Variants in SIPA1L1 observed in about 807,000 individuals in gnomAD.
The protein encoded by SIPA1L1 is signal induced proliferation associated 1 like 1.
Under a neutral mutation model 162.7 loss-of-function variants are expected in SIPA1L1, and 26 were observed. The observed-to-expected ratio is 0.16, with a 90% CI of 0.12 to 0.22. The LOEUF is 0.22. SIPA1L1 is among the 10% of genes least tolerant of loss of function. The pLI is 1.00. For missense variants in SIPA1L1, 1,874 were observed against 2,241.0 expected (o/e 0.84, Z 3.31); for synonymous variants, 829 against 837.4 (o/e 0.99, Z 0.17).
chr14:71,709,716 C>A, intron 17 of SIPA1L1, 52 bp downstream of exon 17: 2 of 1,500,566 alleles, frequency 1.3e-6, no homozygotes, highest in Non-Finnish European at 9.1e-7. Flanking sequence ...AAGCCCAGTT[C>A]CCTGGCCTCA....
intron 23 of SIPA1L1, 98 bp downstream of exon 23, chr14:71,738,423 T>C: frequency 1.3e-6 from 1 of 770,494 alleles, no homozygotes; most frequent in Non-Finnish European, 2.1e-6. Context: ...AAGACGTGGG[T>C]GTCTTCCCGG....
chr14:71,735,720 G>A (rs551290055), intron 22 of SIPA1L1: 36 of 185,742 alleles, frequency 1.9e-4, no homozygotes, highest in African/African-American at 8.2e-4. Context: ...TAGTCCTGCA[G>A]TCTGGGTTTT....
chr14:71,666,627 A>G (rs2044026900), intron 10 of SIPA1L1, among the ~76,000 whole-genome samples: 1 of 152,204 alleles, frequency 6.6e-6, no homozygotes, highest in Non-Finnish European at 1.5e-5. Flanking sequence ...GAAGGTAGAA[A>G]TATGTGTTAC....
intron 2 of SIPA1L1, among the ~76,000 whole-genome samples, chr14:71,408,612 C>T (rs2042188397): frequency 6.6e-6 from 1 of 152,196 alleles, no homozygotes; most frequent in African/African-American, 2.4e-5. Context: ...AGGTTTGTGC[C>T]TCCACCCCCT....
At position 71,661,477 on chromosome 14, in the gene SIPA1L1, G is replaced by A. The variant is rs1466925755; in HGVS notation, c.2255+10G>A. ...ACAGTGTCTGTTATAGGTGTGTATGGGTGTCACAGCAGGGGCTCTGTGGAT... is the reference window on the plus strand; with the variant it reads ...ACAGTGTCTGTTATAGGTGTGTATGAGTGTCACAGCAGGGGCTCTGTGGAT... On this transcript the variant is annotated intron_variant, in intron 10 of 23. Transcript: ENST00000381232. 33 of 1,610,270 alleles carry A rather than the reference G, an allele frequency of 2.0e-5. No individual in the cohort carries two copies. Among genetic ancestry groups the A allele is most frequent in the Non-Finnish European group, 2.8e-5 (33 of 1,177,520 alleles).
At chr14:71,430,590 G>C (rs1254610714) in intron 2 of SIPA1L1, among the ~76,000 whole-genome samples, 1 of 152,204 alleles carries the variant, frequency 6.6e-6, no homozygotes, top group Non-Finnish European at 1.5e-5. Context: ...CACGGGACCA[G>C]AGAAATCACT....
At chr14:71,674,531 A>T in intron 12 of SIPA1L1, among the ~76,000 whole-genome samples, 1 of 150,276 alleles carries the variant, frequency 6.7e-6, no homozygotes, top group African/African-American at 2.4e-5. Context: ...CTCTTGTGAT[A>T]GTGTTAGTAG....
At chr14:71,404,249 C>T (rs973860014) in intron 2 of SIPA1L1, among the ~76,000 whole-genome samples, 2 of 152,108 alleles carry the variant, frequency 1.3e-5, no homozygotes, top group Non-Finnish European at 1.5e-5. Context: ...TCACTTTTAT[C>T]TGAAAATTTT....
chr14:71,354,466 G>A (rs886777448), intron 2 of SIPA1L1, among the ~76,000 whole-genome samples: 3 of 151,812 alleles, frequency 2.0e-5, no homozygotes, highest in Admixed American at 2.0e-4. Context: ...TTGTAGAGGG[G>A]GGGTTTCACC....
intron 12 of SIPA1L1, among the ~76,000 whole-genome samples, chr14:71,681,382 T>A (rs2045794452): frequency 6.6e-6 from 1 of 152,124 alleles, no homozygotes; most frequent in Non-Finnish European, 1.5e-5. Flanking sequence ...TTGCATAGAG[T>A]GGTCAACCCT....
At chr14:71,623,948 C>A in intron 6 of SIPA1L1, 100 bp from the exon 7 acceptor site, 1 of 939,420 alleles carries the variant, frequency 1.1e-6, no homozygotes, top group Non-Finnish European at 1.6e-6. Context: ...CATTCCCTAG[C>A]TCTGTGAGGA....
intron 4 of SIPA1L1, among the ~76,000 whole-genome samples, chr14:71,533,248 C>G (rs1252219554): frequency 6.6e-6 from 1 of 152,122 alleles, no homozygotes; most frequent in African/African-American, 2.4e-5. Context: ...TCTCAATTTA[C>G]TTTATAACAA....
chr14:71,551,265 G>GC (rs2055801970), intron 4 of SIPA1L1, among the ~76,000 whole-genome samples: 1 of 152,192 alleles, frequency 6.6e-6, no homozygotes, highest in East Asian at 1.9e-4. Context: ...AGGGTAATGA[G>GC]CTCATCCTTG....
At chr14:71,635,076 G>A (rs902682447) in intron 7 of SIPA1L1, among the ~76,000 whole-genome samples, 10 of 151,302 alleles carry the variant, frequency 6.6e-5, no homozygotes, top group East Asian at 3.9e-4. Context: ...TCAGGAGTTC[G>A]AGACCAGCCT....
At position 71,325,567 on chromosome 14, in the gene SIPA1L1, A is replaced by T. The variant is rs558375431; in HGVS notation, c.-465+4386A>T. 3.3e-5 allele frequency among the ~76,000 whole-genome samples: 5 copies of T among 152,316 alleles called. No homozygotes were observed. In the East Asian group the frequency reaches 7.7e-4, roughly 24 times the overall value. On this transcript the variant is annotated intron_variant, in intron 2 of 23. Transcript: ENST00000381232. Reference sequence around the variant, plus strand: ...CAGTCAACAACCATTTTCTCCTTTTATTCTGGCCTGGAGAGAGTAAGATAA... The same window carrying T: ...CAGTCAACAACCATTTTCTCCTTTTTTTCTGGCCTGGAGAGAGTAAGATAA...
At position 71,634,645 on chromosome 14, in the gene SIPA1L1, T is replaced by C. The variant is rs535562855; in HGVS notation, c.1818+10409T>C. Among the ~76,000 whole-genome samples, 3 of 151,766 alleles carry C rather than the reference T, an allele frequency of 2.0e-5. No individual in the cohort carries two copies. The South Asian group carries it at 6.2e-4, about 32-fold the overall frequency. ...TACCAGGAAACCTACCCTTAAAAAGTAGCTAAGTTGGCCGGGCGCGGTGGC... is the reference window on the plus strand; with the variant it reads ...TACCAGGAAACCTACCCTTAAAAAGCAGCTAAGTTGGCCGGGCGCGGTGGC... On this transcript the variant is annotated intron_variant, in intron 7 of 23. Coordinates refer to ENST00000381232, the MANE Select transcript of SIPA1L1 (RefSeq NM_001386936.1).
intron 2 of SIPA1L1, among the ~76,000 whole-genome samples, chr14:71,374,336 CTT>C (rs949276268): frequency 3.3e-5 from 5 of 152,014 alleles, no homozygotes; most frequent in Non-Finnish European, 5.9e-5. Context: ...TTTATATACT[CTT>C]ATATGTTTTA....
intron 2 of SIPA1L1, among the ~76,000 whole-genome samples, chr14:71,507,542 T>C (rs2050774653): frequency 6.6e-6 from 1 of 152,184 alleles, no homozygotes; most frequent in Non-Finnish European, 1.5e-5. Flanking sequence ...TTTCTATGGC[T>C]GGAGTGTCAC....
chr14:71,483,013 G>C (rs561305479), intron 2 of SIPA1L1, among the ~76,000 whole-genome samples: 1 of 152,294 alleles, frequency 6.6e-6, no homozygotes, highest in African/African-American at 2.4e-5. Flanking sequence ...TCAGCTGACA[G>C]CTAAGCACAG....
Sources: gnomAD v4.1 joint callset for allele counts (sites outside exome capture counted in the v4.1 genomes callset) on GRCh38, gnomAD v4.1.1 for gene constraint, MANE v1.5 for transcripts, NCBI Gene and HGNC (gene_info 2026-07-23, HGNC 2026-07-21) for gene names.